BDP1: variants seen among roughly 807,000 people sequenced by gnomAD.
BDP1 encodes transcription factor TFIIIB component B'' homolog.
In BDP1, 169 loss-of-function variants were observed where a neutral mutation model predicts 266.6. The ratio of observed to expected loss-of-function variants is 0.63; its 90% CI spans 0.56 to 0.72. The LOEUF (loss-of-function observed/expected upper bound fraction) is 0.72. BDP1 is among the 30% of genes least tolerant of loss of function. BDP1 has a pLI of 0.00. For missense variants in BDP1, 3,015 were observed against 3,053.8 expected, an observed-to-expected ratio of 0.99 and a Z score of 0.30; for synonymous variants, 1,090 against 1,022.4, an observed-to-expected ratio of 1.07 and a Z score of -1.26.
At chr5:71,491,184 G>A in intron 11 of BDP1, 53 bp downstream of exon 11, 2 of 1,553,386 alleles carry the variant, frequency 1.3e-6, no homozygotes, top group Non-Finnish European at 8.8e-7. Flanking sequence ...TACTGAGAAA[G>A]GAGTGTTGAA....
Position 71,517,268 on chromosome 5 carries a change from A to T in BDP1, c.4861-54A>T, listed in dbSNP as rs571541335. ...AATATCTTAATGGTGGAAATATTTT[A>T]AGAGGTATATTCTGCTATAAAAATA... On this transcript the variant is annotated intron_variant, in intron 21 of 38. Coordinates refer to ENST00000358731, the MANE Select transcript of BDP1 (RefSeq NM_018429.3). The T allele has an allele frequency of 5.3e-4, 703 of 1,335,436 alleles. 3 individuals are homozygous for T. The African/African-American group carries it at 8.1e-3, about 15-fold the overall frequency. 82.7% of individuals were successfully genotyped at this position (1,335,436 alleles called of 1,614,324 possible). A position where few individuals can be genotyped will look rare whatever the true frequency, so the allele number is the denominator to read the frequency against.
intron 14 of BDP1, among the ~76,000 whole-genome samples, chr5:71,502,351 T>C (rs1764303758): frequency 1.3e-5 from 2 of 151,988 alleles, no homozygotes; most frequent in African/African-American, 4.8e-5. Context: ...ATTTTTGTAT[T>C]TTTAGTAGAG....
chr5:71,577,524 A>G, the BDP1 span, among the ~76,000 whole-genome samples: 2 of 152,226 alleles, frequency 1.3e-5, no homozygotes, highest in East Asian at 1.9e-4. Flanking sequence ...TGTCATTTTA[A>G]TCACACTCAT....
At position 71,511,069 on chromosome 5, in the gene BDP1, C is replaced by T. The variant is rs200234562; in HGVS notation, c.3977C>T (p.Thr1326Ile). The T allele has an allele frequency of 9.9e-5, 160 of 1,614,014 alleles. No homozygotes were observed. Among genetic ancestry groups the T allele is most frequent in the Non-Finnish European group, 1.0e-4 (123 of 1,180,026 alleles). ...CCAAGGGAAAACGAGCTAGAGGAGA[C>T]CAGTACCTCAAGACAAACTGACACA... The part of the protein sequence containing the change: ...ISPRENELEE[T>I]STSRQTDTHL... The change falls in exon 17 of 39, where the codon ACC (threonine) becomes ATC (isoleucine). Residue 1326 changes from threonine to isoleucine, a missense_variant. Thr to Ile is a moderately conservative substitution (Grantham distance 89, BLOSUM62 -1). Transcript: ENST00000358731.
chr5:71,510,656 G>T lies in BDP1; in HGVS notation c.3564G>T (p.Glu1188Asp). Residue 1188 changes from glutamate (E) to aspartate (D), a missense_variant, in exon 17 of 39, where the codon GAG (glutamate) becomes GAT (aspartate). This residue lies in a region of BDP1 where 2,383 missense variants were observed against 2,404.9 expected (regional missense o/e 0.99). Transcript: ENST00000358731. ...GTTCCTCAAGGGAGAAGACACGAGA[G>T]GTGATTGATGCTGCTGAGGTAATAG... ...REGSSREKTR[E>D]VIDAAEVIET... 6.3e-7 allele frequency: 1 copy of T among 1,585,778 alleles called. No individual in the cohort carries two copies. Among genetic ancestry groups the T allele is most frequent in the Non-Finnish European group, 8.6e-7 (1 of 1,162,584 alleles).
rs1369281500 is a variant in BDP1 at position 71,524,445 on chromosome 5, A to G, written c.5772+122A>G. The G allele has an allele frequency of 2.8e-6, 3 of 1,071,684 alleles. No homozygotes were observed. In the East Asian group the frequency reaches 7.5e-5, roughly 27 times the overall value. 66.4% of individuals were successfully genotyped at this position (1,071,684 alleles called of 1,614,324 possible). On this transcript the variant is annotated intron_variant, in intron 25 of 38. Coordinates refer to ENST00000358731, the MANE Select transcript of BDP1 (RefSeq NM_018429.3). ...AGGATTTGAAGAGTTCATTCTCTAAATAACCTCTACCAAATATAATTTGGG... is the reference window on the plus strand; with the variant it reads ...AGGATTTGAAGAGTTCATTCTCTAAGTAACCTCTACCAAATATAATTTGGG...
chr5:71,549,849 A>C (rs1742618322), intron 34 of BDP1, among the ~76,000 whole-genome samples: 1 of 152,204 alleles, frequency 6.6e-6, no homozygotes, highest in African/African-American at 2.4e-5. Flanking sequence ...TTTGAAAGCT[A>C]AAAAAATTAA....
chr5:71,516,062 A>G lies in BDP1; in HGVS notation c.4651A>G (p.Thr1551Ala). The change falls in exon 21 of 39, where the codon ACT becomes GCT. Residue 1551 changes from threonine (T) to alanine (A), a missense_variant and splice_region_variant. Physicochemically the swap from Thr to Ala is moderately conservative, Grantham distance 58 (BLOSUM62 0). Transcript: ENST00000358731. The part of the protein sequence containing the change: ...QKNDSVVSVG[T>A]NNVNTFQQEM... ...CTTTCTCCCTGTCCCCTTGTTTAGG[A>G]CTAATAATGTAAACACTTTCCAGCA... is the stretch of plus-strand genomic sequence containing the variant. 1 of 1,599,692 alleles carries G rather than the reference A, an allele frequency of 6.3e-7. No homozygotes were observed. Among genetic ancestry groups the G allele is most frequent in the South Asian group, 1.1e-5 (1 of 88,780 alleles).
Position 71,510,466 on chromosome 5 carries a change from T to A in BDP1, c.3374T>A (p.Ile1125Asn), listed in dbSNP as rs771099500. 7.5e-6 allele frequency: 12 copies of A among 1,595,192 alleles called. No homozygotes were observed. The African/African-American group carries it at 1.7e-4, about 23-fold the overall frequency. The change falls in exon 17 of 39, where the codon ATT (isoleucine) becomes AAT (asparagine). Residue 1125 changes from isoleucine (I) to asparagine (N), a missense_variant. Coordinates refer to ENST00000358731, the MANE Select transcript of BDP1 (RefSeq NM_018429.3). ...QTDLKATGRE[I>N]SPREKTPEVI... ...GATTTGAAAGCAACCGGAAGGGAGA[T>A]TTCCCCAAGGGAGAAGACACCAGAG...
rs751385471 is a variant in BDP1 at position 71,495,246 on chromosome 5, T to A, written c.1641-4T>A. 1 of 1,518,400 alleles carries A rather than the reference T, an allele frequency of 6.6e-7. No homozygotes were observed. The highest frequency in any genetic ancestry group is 8.8e-7 in the Non-Finnish European group (1 of 1,131,230). The allele number at this position is 1,518,400 out of a possible 1,614,324, so 94.1% of individuals were successfully genotyped here. On this transcript the variant is annotated splice_region_variant and splice_polypyrimidine_tract_variant and intron_variant, in intron 11 of 38. Transcript: ENST00000358731. ...TTCTCTCTGAAATATTTTCTTTTTT[T>A]TAGTAATCAACAAGATGCCACATCA...
Position 71,524,307 on chromosome 5 carries a change from A to C in BDP1, c.5756A>C (p.Glu1919Ala). 1.3e-6 allele frequency: 2 copies of C among 1,588,924 alleles called. No homozygotes were observed. Among genetic ancestry groups the C allele is most frequent in the Non-Finnish European group, 1.7e-6 (2 of 1,163,324 alleles). The part of the protein sequence containing the change: ...RSPEPVSAQI[E>A]ETMEELEITV... ...CCTGAACCTGTTTCTGCTCAGATTG[A>C]GGAAACAATGGAAGAGGTTCGGTTT... Residue 1919 changes from glutamate to alanine, a missense_variant, in exon 25 of 39, where the codon GAG (glutamate) becomes GCG (alanine). Coordinates refer to ENST00000358731, the MANE Select transcript of BDP1 (RefSeq NM_018429.3).
chr5:71,484,572 A>C (rs149908862), intron 8 of BDP1, among the ~76,000 whole-genome samples: 1 of 152,170 alleles, frequency 6.6e-6, no homozygotes, highest in Non-Finnish European at 1.5e-5. Context: ...GGAATGATAG[A>C]TATCTTGCAA....
intron 24 of BDP1, 88 bp from the exon 25 acceptor site, chr5:71,523,851 A>T (rs1765632072): frequency 1.5e-6 from 2 of 1,298,476 alleles, no homozygotes; most frequent in African/African-American, 3.0e-5. Context: ...TAATGACTGG[A>T]ACTGGAATTT....
chr5:71,521,283 T>G (rs1247360861), intron 22 of BDP1, among the ~76,000 whole-genome samples: 1 of 151,488 alleles, frequency 6.6e-6, no homozygotes, highest in Admixed American at 6.6e-5. Context: ...ATATTCAGGT[T>G]TATATTAGTT....
chr5:71,518,590 A>G (rs1488947423), intron 22 of BDP1, among the ~76,000 whole-genome samples: 1 of 152,058 alleles, frequency 6.6e-6, no homozygotes, highest in African/African-American at 2.4e-5. Context: ...AGCTGGGACC[A>G]CAGGTGCACA....
At position 71,566,178 on chromosome 5, in the gene BDP1, A is replaced by G. The variant is rs1213473818; in HGVS notation, c.*1293A>G. 6.5e-6 allele frequency: 1 copy of G among 153,272 alleles called. No homozygotes were observed. The highest frequency in any genetic ancestry group is 1.5e-5 in the Non-Finnish European group (1 of 68,356). The allele number at this position is 153,272 out of a possible 1,614,324, so 9.5% of individuals were successfully genotyped here. A position where few individuals can be genotyped will look rare whatever the true frequency, so the allele number is the denominator to read the frequency against. On this transcript the variant is annotated 3_prime_UTR_variant, in exon 39 of 39. Transcript: ENST00000358731. The stretch of plus-strand genomic sequence containing the variant: ...CAGGATTTTCATGAGGATAGGGGGA[A>G]CTCAACTTTATTTATGAGACAAAAT...
At chr5:71,541,262 A>G (rs575635086) in intron 28 of BDP1, among the ~76,000 whole-genome samples, 192 bp from the exon 29 acceptor site, 1 of 152,316 alleles carries the variant, frequency 6.6e-6, no homozygotes, top group East Asian at 1.9e-4. Context: ...CCTGGCATGA[A>G]ATAGGGAGAT....
chr5:71,547,165 A>T (rs156757), intron 32 of BDP1, among the ~76,000 whole-genome samples: 45,024 of 150,478 alleles, frequency 0.3, 7,718 homozygotes, highest in East Asian at 0.51. Flanking sequence ...CTTTTTTTTT[A>T]TTTTTCTTAA....
chr5:71,485,927 T>C (rs7444322), intron 8 of BDP1, among the ~76,000 whole-genome samples: 118,720 of 152,130 alleles, frequency 0.78, 47,066 homozygotes, highest in East Asian at 0.88. Context: ...GCCTGTGTAA[T>C]CACTACCCCA....
Sources: allele counts gnomAD v4.1 joint callset (sites outside exome capture counted in the v4.1 genomes callset), GRCh38; gene constraint gnomAD v4.1.1; regional missense constraint gnomAD v4.1.1; transcripts MANE v1.5; gene names NCBI Gene and HGNC (gene_info 2026-07-23, HGNC 2026-07-21).